TENM4: variants seen among roughly 807,000 people sequenced by gnomAD.
The protein encoded by TENM4 is teneurin-4.
A neutral mutation model predicts 243.3 loss-of-function variants in TENM4; 82 were observed. That is an observed-to-expected ratio of 0.34 (90% CI 0.28 to 0.40). The LOEUF (loss-of-function observed/expected upper bound fraction) is 0.40. TENM4 is among the 10% of genes least tolerant of loss of function. TENM4 has a pLI of 1.00. For missense variants in TENM4, 3,138 were observed against 3,673.3 expected, an observed-to-expected ratio of 0.85 and a Z score of 3.77; for synonymous variants, 1,412 against 1,456.3, an observed-to-expected ratio of 0.97 and a Z score of 0.69.
chr11:79,283,097 C>A (rs905905982), intron 2 of TENM4, among the ~76,000 whole-genome samples: 1 of 151,992 alleles, frequency 6.6e-6, no homozygotes, highest in East Asian at 1.9e-4. Flanking sequence ...AAGATTAACA[C>A]AAATTCTTTA....
At chr11:79,416,137 C>T (rs182325600) in intron 1 of TENM4, among the ~76,000 whole-genome samples, 1 of 152,286 alleles carries the variant, frequency 6.6e-6, no homozygotes, top group East Asian at 1.9e-4. Context: ...TATCCATTCA[C>T]CTGTTGATGG....
intron 14 of TENM4, among the ~76,000 whole-genome samples, chr11:78,807,580 C>G (rs866994484): frequency 2.0e-5 from 3 of 152,240 alleles, no homozygotes; most frequent in South Asian, 4.1e-4. Context: ...TAAAGGAGGT[C>G]GATTCATGTT....
intron 2 of TENM4, among the ~76,000 whole-genome samples, chr11:79,236,613 T>C (rs1864479007): frequency 6.6e-6 from 1 of 152,174 alleles, no homozygotes; most frequent in Non-Finnish European, 1.5e-5. Context: ...CAGCAGGACT[T>C]GGCTCACTGG....
chr11:78,699,075 C>T (rs1430627561), intron 28 of TENM4, among the ~76,000 whole-genome samples: 1 of 152,188 alleles, frequency 6.6e-6, no homozygotes, highest in Non-Finnish European at 1.5e-5. Context: ...AAATACCTTT[C>T]ACACCCAAAC....
At chr11:79,272,056 T>G (rs1299858965) in intron 2 of TENM4, among the ~76,000 whole-genome samples, 1 of 152,006 alleles carries the variant, frequency 6.6e-6, no homozygotes, top group Non-Finnish European at 1.5e-5. Context: ...AAATTAAGAG[T>G]AAATGGCAAA....
intron 2 of TENM4, among the ~76,000 whole-genome samples, chr11:79,243,962 T>TTG (rs1416664037): frequency 1.3e-5 from 2 of 152,180 alleles, no homozygotes; most frequent in African/African-American, 2.4e-5. Context: ...CCAGCAGGCC[T>TTG]TGGGTGGAGC....
intron 2 of TENM4, among the ~76,000 whole-genome samples, chr11:79,231,575 G>A (rs887725821): frequency 2.6e-5 from 4 of 152,242 alleles, no homozygotes; most frequent in Middle Eastern, 3.4e-3. Context: ...TTCTGGCTGC[G>A]TGACCTCAGC....
In TENM4 at chr11:79,111,849, G is replaced by T. The variant is rs374337339; in HGVS notation, c.-66+36861C>A. Among the ~76,000 whole-genome samples, 16 of 152,262 alleles carry T rather than the reference G, an allele frequency of 1.1e-4. No individual in the cohort carries two copies. In the East Asian group the frequency reaches 1.9e-3, roughly 18 times the overall value. Reference sequence around the variant, plus strand: ...GAGGTGGGAGGGGGGTGGTCAAGAAGAGTCTCAGAGAGGAGACGTGGGTGA... The same window carrying T: ...GAGGTGGGAGGGGGGTGGTCAAGAATAGTCTCAGAGAGGAGACGTGGGTGA... On this transcript the variant is annotated intron_variant, in intron 4 of 33. Transcript: ENST00000278550.
chr11:78,795,715 C>A (rs1054275095), intron 15 of TENM4, among the ~76,000 whole-genome samples: 3 of 152,110 alleles, frequency 2.0e-5, no homozygotes, highest in African/African-American at 4.8e-5. Flanking sequence ...TTAGCTTTTT[C>A]TCCCACAGAC....
chr11:79,229,740 A>G, intron 2 of TENM4, among the ~76,000 whole-genome samples: 1 of 152,218 alleles, frequency 6.6e-6, no homozygotes, highest in Non-Finnish European at 1.5e-5. Flanking sequence ...GTTTATTGCT[A>G]CATTGAAAGG....
At chr11:79,177,990 G>A (rs1321096755) in intron 3 of TENM4, among the ~76,000 whole-genome samples, 1 of 152,162 alleles carries the variant, frequency 6.6e-6, no homozygotes, top group East Asian at 1.9e-4. Flanking sequence ...AGGAAGAACA[G>A]GTAGGAGGCT....
intron 9 of TENM4, among the ~76,000 whole-genome samples, chr11:78,884,545 G>C (rs1855508754): frequency 6.6e-6 from 1 of 152,178 alleles, no homozygotes; most frequent in African/African-American, 2.4e-5. Flanking sequence ...TCATATACTG[G>C]CTATGTGACC....
intron 32 of TENM4, among the ~76,000 whole-genome samples, chr11:78,665,109 G>T (rs1041738949): frequency 1.3e-5 from 2 of 152,090 alleles, no homozygotes; most frequent in African/African-American, 4.8e-5. Context: ...GGGGAGTGAT[G>T]AAATGTAGGC....
chr11:79,356,757 G>GT, intron 1 of TENM4, among the ~76,000 whole-genome samples: 2 of 143,882 alleles, frequency 1.4e-5, no homozygotes, highest in South Asian at 4.4e-4. Context: ...ATTGTATTGG[G>GT]TAAAAAAAAA....
At chr11:79,219,303 A>C (rs973136007) in intron 2 of TENM4, among the ~76,000 whole-genome samples, 1 of 152,250 alleles carries the variant, frequency 6.6e-6, no homozygotes, top group Non-Finnish European at 1.5e-5. Context: ...TGTGGGCCTC[A>C]ACAGGCTGGG....
intron 2 of TENM4, among the ~76,000 whole-genome samples, chr11:79,242,702 T>C (rs1423270118): frequency 6.6e-6 from 1 of 152,224 alleles, no homozygotes; most frequent in Non-Finnish European, 1.5e-5. Flanking sequence ...AAGTGGAGCA[T>C]TTAGTGGTTT....
chr11:79,245,490 A>G (rs115389098), intron 2 of TENM4, among the ~76,000 whole-genome samples: 7 of 152,348 alleles, frequency 4.6e-5, no homozygotes, highest in African/African-American at 1.4e-4. Flanking sequence ...GGGACCTCAG[A>G]CTGTCACTTT....
At chr11:79,439,529 G>T (rs186998619) in intron 1 of TENM4, among the ~76,000 whole-genome samples, 1 of 152,106 alleles carries the variant, frequency 6.6e-6, no homozygotes, top group East Asian at 1.9e-4. Flanking sequence ...TCGCCTAGGC[G>T]GGGGCAGGCA....
At chr11:78,929,991 T>C (rs1470459420) in intron 6 of TENM4, among the ~76,000 whole-genome samples, 2 of 152,214 alleles carry the variant, frequency 1.3e-5, no homozygotes, top group Admixed American at 1.3e-4. Flanking sequence ...TGTGCCTCCG[T>C]CCTAAATGAA....
Sources: allele counts gnomAD v4.1 joint callset (sites outside exome capture counted in the v4.1 genomes callset), GRCh38; gene constraint gnomAD v4.1.1; transcripts MANE v1.5; gene names NCBI Gene and HGNC (gene_info 2026-07-23, HGNC 2026-07-21).